NPNT: variants seen among roughly 807,000 people sequenced by gnomAD.
The protein encoded by NPNT is preosteoblast EGF-like repeat protein with MAM domain.
A neutral mutation model predicts 68.6 loss-of-function variants in NPNT; 45 were observed. The observed-to-expected ratio is 0.66, with a 90% CI of 0.52 to 0.84. The LOEUF (loss-of-function observed/expected upper bound fraction) is 0.84. Among genes scored for constraint, NPNT ranks in the 40% least tolerant of loss-of-function variants. The pLI, the probability that NPNT is intolerant of heterozygous loss-of-function variation, is 0.00. For synonymous variants in NPNT, 233 were observed against 253.3 expected (o/e 0.92, Z 0.76); for missense variants, 672 against 714.8 (o/e 0.94, Z 0.68).
chr4:105,955,362 A>G (rs746052947), intron 8 of NPNT, among the ~76,000 whole-genome samples: 1 of 152,192 alleles, frequency 6.6e-6, no homozygotes, highest in Non-Finnish European at 1.5e-5. Context: ...AAATCAAAGA[A>G]AAGTGTTTGA....
intron 2 of NPNT, among the ~76,000 whole-genome samples, chr4:105,909,615 G>T (rs918478107): frequency 1.3e-5 from 2 of 152,056 alleles, no homozygotes; most frequent in Admixed American, 1.3e-4. Flanking sequence ...TTGTCCATAG[G>T]GTCTGTTGTC....
At chr4:105,967,875 A>G (rs1048651872) in intron 11 of NPNT, among the ~76,000 whole-genome samples, 3 of 151,984 alleles carry the variant, frequency 2.0e-5, no homozygotes, top group Non-Finnish European at 2.9e-5. Context: ...CTTTTTTGAA[A>G]TGTTTCTTTC....
At chr4:105,959,781 A>G (rs1731550193) in intron 10 of NPNT, among the ~76,000 whole-genome samples, 1 of 150,842 alleles carries the variant, frequency 6.6e-6, no homozygotes, top group Admixed American at 6.6e-5. Context: ...TAGATTCAAG[A>G]TAGCTTTTCT....
intron 7 of NPNT, among the ~76,000 whole-genome samples, chr4:105,941,998 T>C (rs1729993650): frequency 2.6e-5 from 4 of 152,052 alleles, no homozygotes; most frequent in Admixed American, 2.6e-4. Context: ...TGCACAAATA[T>C]TTAAAATGTT....
chr4:105,957,578 G>A (rs1377294512), intron 8 of NPNT, among the ~76,000 whole-genome samples: 10 of 152,104 alleles, frequency 6.6e-5, no homozygotes, highest in African/African-American at 2.4e-4. Flanking sequence ...GTCAAGCCCT[G>A]GAAATGCCAC....
chr4:105,898,906 T>C (rs1248958648), intron 2 of NPNT, among the ~76,000 whole-genome samples: 1 of 152,132 alleles, frequency 6.6e-6, no homozygotes, highest in Non-Finnish European at 1.5e-5. Context: ...TAGGGGGCAC[T>C]TCTGGTAAGA....
intron 3 of NPNT, among the ~76,000 whole-genome samples, chr4:105,935,288 A>G (rs1051746094): frequency 1.3e-5 from 2 of 152,208 alleles, no homozygotes; most frequent in African/African-American, 4.8e-5. Context: ...CCTTTCTCTA[A>G]CACCATATTT....
intron 8 of NPNT, among the ~76,000 whole-genome samples, chr4:105,943,141 C>T (rs563955001): frequency 6.6e-6 from 1 of 152,212 alleles, no homozygotes; most frequent in Admixed American, 6.5e-5. Context: ...CAGAAAAGGT[C>T]ACAGTCTGGT....
At chr4:105,903,756 G>A (rs1726626463) in intron 2 of NPNT, among the ~76,000 whole-genome samples, 1 of 149,584 alleles carries the variant, frequency 6.7e-6, no homozygotes, top group Admixed American at 6.7e-5. Flanking sequence ...TGTACATGTT[G>A]AAAGGTTTTA....
At chr4:105,895,778 CTGTCT>C (rs1725776244) in intron 1 of NPNT, 55 bp downstream of exon 1, 2 of 1,432,314 alleles carry the variant, frequency 1.4e-6, no homozygotes, top group South Asian at 2.5e-5. Flanking sequence ...TTCACACTCA[CTGTCT>C]TGGGTCACTT....
At chr4:105,930,699 A>G (rs7677312) in intron 3 of NPNT, among the ~76,000 whole-genome samples, 130,929 of 152,184 alleles carry the variant, frequency 0.86, 57,088 homozygotes, top group East Asian at 1. Context: ...GTATATGACA[A>G]GTATTCACTG....
intron 3 of NPNT, among the ~76,000 whole-genome samples, chr4:105,933,351 G>A (rs1159395484): frequency 1.3e-5 from 2 of 152,152 alleles, no homozygotes. Flanking sequence ...TAATGTGGTA[G>A]CATAATTTTA....
At chr4:105,903,495 T>G (rs986902536) in intron 2 of NPNT, among the ~76,000 whole-genome samples, 2 of 152,202 alleles carry the variant, frequency 1.3e-5, no homozygotes, top group Non-Finnish European at 2.9e-5. Context: ...TCCCATTGAT[T>G]TTGTGCAATA....
At chr4:105,961,688 C>T (rs865855909) in intron 10 of NPNT, among the ~76,000 whole-genome samples, 25 of 152,082 alleles carry the variant, frequency 1.6e-4, no homozygotes, top group African/African-American at 5.8e-4. Flanking sequence ...AATTTGAAAT[C>T]GTTATTGGAC....
intron 2 of NPNT, chr4:105,902,732 G>T (rs1240115289): frequency 6.6e-6 from 1 of 152,190 alleles, no homozygotes; most frequent in African/African-American, 2.4e-5. Flanking sequence ...GTAACTTCAA[G>T]TGGTCTTGGA....
At chr4:105,939,018 A>G (rs1245640353) in intron 5 of NPNT, among the ~76,000 whole-genome samples, 1 of 152,196 alleles carries the variant, frequency 6.6e-6, no homozygotes, top group Admixed American at 6.6e-5. Context: ...CTAGCATGTA[A>G]TAAGCCTTGA....
intron 2 of NPNT, among the ~76,000 whole-genome samples, chr4:105,922,356 C>T (rs979794063): frequency 6.6e-6 from 1 of 151,314 alleles, no homozygotes; most frequent in Non-Finnish European, 1.5e-5. Context: ...TTGTCCAACT[C>T]TCAGAGACCC....
At chr4:105,946,757 C>T (rs773737806) in intron 8 of NPNT, among the ~76,000 whole-genome samples, 1 of 152,144 alleles carries the variant, frequency 6.6e-6, no homozygotes, top group Non-Finnish European at 1.5e-5. Context: ...TCACAAACTC[C>T]TGATAAGGGT....
At chr4:105,920,120 A>G (rs529816557) in intron 2 of NPNT, among the ~76,000 whole-genome samples, 21 of 151,682 alleles carry the variant, frequency 1.4e-4, no homozygotes, top group Non-Finnish European at 2.5e-4. Context: ...TTTTTATTCA[A>G]TTGTTATCAA....
Sources: gnomAD v4.1 joint callset for allele counts (sites outside exome capture counted in the v4.1 genomes callset) on GRCh38, gnomAD v4.1.1 for gene constraint, MANE v1.5 for transcripts, NCBI Gene and HGNC (gene_info 2026-07-23, HGNC 2026-07-21) for gene names.